Variants in RALGAPA1 observed in about 807,000 individuals in gnomAD.
The protein encoded by RALGAPA1 is ral GTPase-activating protein subunit alpha-1.
A neutral mutation model predicts 269.6 loss-of-function variants in RALGAPA1; 52 were observed. The observed-to-expected ratio is 0.19, with a 90% CI of 0.15 to 0.24. RALGAPA1 has a LOEUF of 0.24. RALGAPA1 is among the 10% of genes least tolerant of loss of function. RALGAPA1 has a pLI of 1.00. For missense variants in RALGAPA1, 1,917 were observed against 3,013.9 expected (o/e 0.64, Z 8.52); for synonymous variants, 817 against 1,008.3 (o/e 0.81, Z 3.60).
chr14:35,671,071 TACAC>T (rs2064379951), intron 26 of RALGAPA1, among the ~76,000 whole-genome samples: 1 of 152,208 alleles, frequency 6.6e-6, no homozygotes, highest in Admixed American at 6.5e-5. Flanking sequence ...GATGATTTGA[TACAC>T]ACATACACTG....
chr14:35,789,907 T>C (rs1249889410), intron 1 of RALGAPA1, among the ~76,000 whole-genome samples: 3 of 152,086 alleles, frequency 2.0e-5, no homozygotes, highest in African/African-American at 7.2e-5. Flanking sequence ...GCCCATGAAG[T>C]AGTCACCACG....
chr14:35,781,364 G>A (rs1393564941), intron 1 of RALGAPA1, among the ~76,000 whole-genome samples: 1 of 151,626 alleles, frequency 6.6e-6, no homozygotes, highest in Non-Finnish European at 1.5e-5. Context: ...ATTAGTGGGG[G>A]AAAAAAAACT....
At chr14:35,722,613 G>GA (rs534894396) in intron 15 of RALGAPA1, among the ~76,000 whole-genome samples, 3,246 of 113,912 alleles carry the variant, frequency 0.028, 108 homozygotes, top group African/African-American at 0.094. Flanking sequence ...CCCTGTCTCA[G>GA]AAAAAAAAAA....
rs368216739 is a variant in RALGAPA1 at position 35,677,944 on chromosome 14, T to C, written c.4624+6A>G. 4.4e-5 allele frequency: 71 copies of C among 1,612,322 alleles called. No individual in the cohort carries two copies. Among genetic ancestry groups the C allele is most frequent in the Non-Finnish European group, 5.8e-5 (68 of 1,179,484 alleles). On this transcript the variant is annotated splice_donor_region_variant and intron_variant, in intron 22 of 41. Transcript: ENST00000680220. ...AAAAGGTAAATATCTAATTTTGAAA[T>C]ATTGCCTAGATCATCTGGTGTCTGA...
At chr14:35,780,123 G>A (rs903280575) in intron 1 of RALGAPA1, among the ~76,000 whole-genome samples, 2 of 151,632 alleles carry the variant, frequency 1.3e-5, no homozygotes, top group African/African-American at 4.9e-5. Context: ...AAAAATTATT[G>A]CTAGAGAAGA....
chr14:35,694,197 G>A (rs2066722062), intron 17 of RALGAPA1, among the ~76,000 whole-genome samples: 2 of 151,944 alleles, frequency 1.3e-5, no homozygotes, highest in African/African-American at 2.4e-5. Context: ...TTTCTGAAAT[G>A]AATCATAGAA....
intron 16 of RALGAPA1, 38 bp downstream of exon 16, chr14:35,721,650 T>C: frequency 6.5e-7 from 1 of 1,527,058 alleles, no homozygotes; most frequent in Non-Finnish European, 8.9e-7. Context: ...ATAAATGTAG[T>C]GCCCTGTACC....
intron 24 of RALGAPA1, 39 bp from the exon 25 acceptor site, chr14:35,673,061 T>C: frequency 1.5e-6 from 2 of 1,364,508 alleles, no homozygotes; most frequent in Non-Finnish European, 1.9e-6. Flanking sequence ...CAAAAAGAAA[T>C]ACTATTTGCT....
intron 1 of RALGAPA1, among the ~76,000 whole-genome samples, chr14:35,798,708 C>T (rs1424916223): frequency 3.3e-5 from 5 of 152,092 alleles, no homozygotes; most frequent in South Asian, 2.1e-4. Flanking sequence ...ATAGAAATAT[C>T]GGCTGGGCAC....
Position 35,808,902 on chromosome 14 carries a change from T to C in RALGAPA1, c.-67A>G. The C allele has an allele frequency of 1.3e-6, 2 of 1,557,124 alleles. No individual in the cohort carries two copies. Among genetic ancestry groups the C allele is most frequent in the Admixed American group, 3.9e-5 (2 of 51,816 alleles). ...CCAGCCGGGTCCCGGCGGCAGAAAGTGGAGGGAGTGGACGGGGAGGAGACT... is the reference window on the plus strand; with the variant it reads ...CCAGCCGGGTCCCGGCGGCAGAAAGCGGAGGGAGTGGACGGGGAGGAGACT... On this transcript the variant is annotated 5_prime_UTR_variant, in exon 1 of 42. Coordinates refer to ENST00000680220, the MANE Select transcript of RALGAPA1 (RefSeq NM_001346249.2).
intron 1 of RALGAPA1, among the ~76,000 whole-genome samples, chr14:35,800,737 G>A (rs2076904365): frequency 6.6e-6 from 1 of 152,214 alleles, no homozygotes; most frequent in Non-Finnish European, 1.5e-5. Context: ...AGGCATGGTA[G>A]CTCACACCTG....
intron 39 of RALGAPA1, among the ~76,000 whole-genome samples, chr14:35,566,996 G>T (rs1265678091): frequency 6.6e-6 from 1 of 150,746 alleles, no homozygotes. Context: ...TACTACACTA[G>T]GTATATATAC....
chr14:35,622,934 T>C (rs1174810545), intron 35 of RALGAPA1, among the ~76,000 whole-genome samples: 1 of 152,038 alleles, frequency 6.6e-6, no homozygotes, highest in Non-Finnish European at 1.5e-5. Context: ...CCCTGTCTCT[T>C]ATACTAAAAG....
chr14:35,555,425 T>G (rs1391758837), intron 39 of RALGAPA1, among the ~76,000 whole-genome samples: 2 of 152,192 alleles, frequency 1.3e-5, no homozygotes, highest in Non-Finnish European at 2.9e-5. Context: ...GAGAAAATCT[T>G]TACAGAGAAA....
chr14:35,727,359 T>C (rs1221121546), intron 13 of RALGAPA1, among the ~76,000 whole-genome samples: 4 of 144,852 alleles, frequency 2.8e-5, no homozygotes, highest in Non-Finnish European at 4.5e-5. Context: ...TATAATACTA[T>C]ATAACTGTGT....
chr14:35,780,136 G>T (rs1224444939), intron 1 of RALGAPA1, among the ~76,000 whole-genome samples: 1 of 151,956 alleles, frequency 6.6e-6, no homozygotes, highest in African/African-American at 2.4e-5. Flanking sequence ...AGAGAAGAAG[G>T]ACATTTTATA....
At position 35,742,446 on chromosome 14, in the gene RALGAPA1, G is replaced by C; in HGVS notation, c.1371C>G (p.Ile457Met). 1 of 1,602,768 alleles carries C rather than the reference G, an allele frequency of 6.2e-7. No homozygotes were observed. Among genetic ancestry groups the C allele is most frequent in the Non-Finnish European group, 8.5e-7 (1 of 1,170,882 alleles). The change falls in exon 11 of 42, where the codon ATC (isoleucine) becomes ATG (methionine). Residue 457 changes from isoleucine to methionine, a missense_variant. Around this residue, in one of 11 missense-constraint regions of RALGAPA1, gnomAD observed 462 missense variants for 725.6 expected, o/e 0.64. Coordinates refer to ENST00000680220, the MANE Select transcript of RALGAPA1 (RefSeq NM_001346249.2). ...LFMQEPEEIVITSSDLPCIEN... is the reference protein window; with the variant it reads ...LFMQEPEEIVMTSSDLPCIEN... ...CAATGCAAGGGAGGTCTGAAGAAGT[G>C]ATCACAATTTCTTCAGGCTCTTGCA...
chr14:35,709,335 C>T (rs932502331), intron 16 of RALGAPA1, among the ~76,000 whole-genome samples: 2 of 151,626 alleles, frequency 1.3e-5, no homozygotes, highest in South Asian at 4.2e-4. Flanking sequence ...CTCATGTACC[C>T]CATAAATATA....
At chr14:35,723,851 T>C (rs1166602968) in intron 14 of RALGAPA1, 2 of 152,134 alleles carry the variant, frequency 1.3e-5, no homozygotes, top group Admixed American at 6.6e-5. Context: ...AGAAATGGAT[T>C]AGCCAGTAAG....
Sources: allele counts gnomAD v4.1 joint callset (sites outside exome capture counted in the v4.1 genomes callset), GRCh38; gene constraint gnomAD v4.1.1; regional missense constraint gnomAD v4.1.1; transcripts MANE v1.5; gene names NCBI Gene and HGNC (gene_info 2026-07-23, HGNC 2026-07-21).